GEN1: variants seen among roughly 807,000 people sequenced by gnomAD.
GEN1 encodes GEN1 structure-specific endonuclease, also known as flap endonuclease GEN homolog 1.
Under a neutral mutation model 67.6 loss-of-function variants are expected in GEN1, and 64 were observed. The ratio of observed to expected loss-of-function variants is 0.95; its 90% CI spans 0.77 to 1.17. GEN1 has a LOEUF of 1.17. Among genes scored for constraint, GEN1 ranks in the 50% most tolerant of loss-of-function variants. GEN1 has a pLI of 0.00. For synonymous variants in GEN1, 371 were observed against 359.4 expected (o/e 1.03, Z -0.37); for missense variants, 1,058 against 1,048.3 (o/e 1.01, Z -0.13).
At chr2:17,777,625 C>T (rs116221570) in intron 11 of GEN1, among the ~76,000 whole-genome samples, 3 of 152,090 alleles carry the variant, frequency 2.0e-5, no homozygotes, top group Non-Finnish European at 4.4e-5. Flanking sequence ...TAAAATTCAG[C>T]AATATTCAGC....
chr2:17,756,089 G>C (rs886510990), intron 1 of GEN1, among the ~76,000 whole-genome samples: 2 of 151,856 alleles, frequency 1.3e-5, no homozygotes, highest in Non-Finnish European at 2.9e-5. Flanking sequence ...TTAAATACTA[G>C]ATTACAGATA....
intron 6 of GEN1, among the ~76,000 whole-genome samples, chr2:17,770,415 A>G (rs1672126293): frequency 6.6e-6 from 1 of 152,180 alleles, no homozygotes; most frequent in Non-Finnish European, 1.5e-5. Context: ...CAGAAGCTAA[A>G]TAGTAACTCT....
intron 6 of GEN1, among the ~76,000 whole-genome samples, chr2:17,769,411 T>C (rs766156670): frequency 1.3e-5 from 2 of 152,074 alleles, no homozygotes; most frequent in Non-Finnish European, 2.9e-5. Context: ...TATTATTAGC[T>C]CACTAAACAC....
At chr2:17,759,524 A>G (rs141215178) in intron 1 of GEN1, among the ~76,000 whole-genome samples, 1 of 150,784 alleles carries the variant, frequency 6.6e-6, no homozygotes, top group Non-Finnish European at 1.5e-5. Flanking sequence ...TTCTTCCCTC[A>G]CTTTTCTAAG....
intron 2 of GEN1, 79 bp downstream of exon 2, chr2:17,760,183 T>C: frequency 7.3e-7 from 1 of 1,361,290 alleles, no homozygotes; most frequent in East Asian, 2.4e-5. Flanking sequence ...ACCTTTTTTT[T>C]TCTTTTGTTG....
rs1558409701 is a variant in GEN1, at chr2:17,778,364, GTATATACACACACATATA to G, written c.1264+303_1264+320del. Among the ~76,000 whole-genome samples, 145 of 36,434 alleles carry G rather than the reference GTATATACACACACATATA, an allele frequency of 4.0e-3. 52 individuals are homozygous for G. The highest frequency in any genetic ancestry group is 0.021 in the Admixed American group (58 of 2,808). 23.9% of individuals were successfully genotyped at this position (36,434 alleles called of 152,430 possible). On this transcript the variant is annotated intron_variant, in intron 12 of 13. Transcript: ENST00000381254. ...TACACACACATGTGTGTACATATAT[GTATATACACACACATATA>G]TGTGTGTACATATATGTATATACAC...
chr2:17,782,603 T>C lies in GEN1; in HGVS notation c.*664T>C, dbSNP rs1264022714. ...AAAAATCATGCTCGTAATGGCTGAA[T>C]AAACTGAGCAAAGTAACTCCTTATG... On this transcript the variant is annotated 3_prime_UTR_variant, in exon 14 of 14. Coordinates refer to ENST00000381254, the MANE Select transcript of GEN1 (RefSeq NM_001130009.3). The C allele has an allele frequency of 6.6e-6, 1 of 152,210 alleles. No homozygotes were observed. The highest frequency in any genetic ancestry group is 2.4e-5 in the African/African-American group (1 of 41,428). The allele number at this position is 152,210 out of a possible 1,614,324, so 9.4% of individuals were successfully genotyped here.
At chr2:17,755,458 T>C (rs1671382597) in intron 1 of GEN1, 1 of 152,232 alleles carries the variant, frequency 6.6e-6, no homozygotes, top group African/African-American at 2.4e-5. Context: ...AATAAGTATT[T>C]ATTGATAAAC....
chr2:17,760,246 T>A, intron 2 of GEN1, 142 bp downstream of exon 2: 1 of 757,544 alleles, frequency 1.3e-6, no homozygotes, highest in South Asian at 2.2e-5. Context: ...ATGTCTAGAT[T>A]CACCATCTTT....
rs1672898042 is a variant in GEN1 at position 17,782,618 on chromosome 2, A to C, written c.*679A>C. The stretch of plus-strand genomic sequence containing the variant: ...AATGGCTGAATAAACTGAGCAAAGT[A>C]ACTCCTTATGTATCCCCAGAAGTTC... On this transcript the variant is annotated 3_prime_UTR_variant, in exon 14 of 14. Transcript: ENST00000381254. 6.6e-6 allele frequency: 1 copy of C among 152,214 alleles called. No homozygotes were observed. Among genetic ancestry groups the C allele is most frequent in the African/African-American group, 2.4e-5 (1 of 41,448 alleles). The allele number at this position is 152,214 out of a possible 1,614,324, so 9.4% of individuals were successfully genotyped here.
In GEN1 at chr2:17,759,891, C is replaced by A; in HGVS notation, c.-15-38C>A. ...GAATTCCTGTTATGAGCTTCTGTTT[C>A]TTTAACAATATTTTGTAAAGTGTGT... On this transcript the variant is annotated intron_variant, in intron 1 of 13. Coordinates refer to ENST00000381254, the MANE Select transcript of GEN1 (RefSeq NM_001130009.3). 7 of 1,564,006 alleles carry A rather than the reference C, an allele frequency of 4.5e-6. No homozygotes were observed. In the South Asian group the frequency reaches 7.9e-5, roughly 18 times the overall value.
At chr2:17,769,258 T>G (rs879387237) in intron 6 of GEN1, among the ~76,000 whole-genome samples, 12 of 151,618 alleles carry the variant, frequency 7.9e-5, no homozygotes, top group African/African-American at 2.7e-4. Flanking sequence ...TTTTTTTTTT[T>G]GTAGAGATAG....
intron 11 of GEN1, among the ~76,000 whole-genome samples, chr2:17,776,190 A>T (rs1399690510): frequency 6.6e-6 from 1 of 152,078 alleles, no homozygotes; most frequent in Non-Finnish European, 1.5e-5. Context: ...AATCCAAGTG[A>T]AAAACGTTCT....
Position 17,778,321 on chromosome 2 carries a change from CACGTGTACAT to C in GEN1, c.1264+260_1264+269del, listed in dbSNP as rs1558409368. Among the ~76,000 whole-genome samples, 359 of 21,018 alleles carry C rather than the reference CACGTGTACAT, an allele frequency of 0.017. 71 individuals carry two copies. In the East Asian group the frequency reaches 0.5, roughly 29 times the overall value. The allele number at this position is 21,018 out of a possible 152,430, so 13.8% of individuals were successfully genotyped here. ...GTGTACATATATGTATATACACACA[CACGTGTACAT>C]ATATGTATACACACACATGTGTGTA... On this transcript the variant is annotated intron_variant, in intron 12 of 13. Transcript: ENST00000381254.
Position 17,764,937 on chromosome 2 carries a change from A to G in GEN1, c.389A>G (p.Gln130Arg). The G allele has an allele frequency of 6.2e-7, 1 of 1,614,140 alleles. No individual in the cohort carries two copies. The highest frequency in any genetic ancestry group is 8.5e-7 in the Non-Finnish European group (1 of 1,179,992). The change falls in exon 4 of 14, where the codon CAG becomes CGG. Residue 130 changes from glutamine to arginine, a missense_variant. Coordinates refer to ENST00000381254, the MANE Select transcript of GEN1 (RefSeq NM_001130009.3). Reference protein sequence around the residue: ...MLECLGIPWVQAAGEAEAMCA... With the variant: ...MLECLGIPWVRAAGEAEAMCA... The stretch of plus-strand genomic sequence containing the variant: ...GAATGCTTAGGAATCCCCTGGGTTC[A>G]GGCTGCTGGGGAAGCTGAAGCCATG...
At chr2:17,780,150 G>A in intron 13 of GEN1, 29 bp downstream of exon 13, 1 of 1,581,616 alleles carries the variant, frequency 6.3e-7, no homozygotes, top group Non-Finnish European at 8.6e-7. Flanking sequence ...AGCTATTTAT[G>A]CCACATGCAA....
In GEN1 at chr2:17,772,537, T is replaced by C; in HGVS notation, c.803-97T>C. On this transcript the variant is annotated intron_variant, in intron 7 of 13. Transcript: ENST00000381254. The stretch of plus-strand genomic sequence containing the variant: ...ATGCTAGGTAGTGTGCTAGGCAATA[T>C]TAATTTTGGAAAATTTAGATACTGG... The C allele has an allele frequency of 4.7e-6, 5 of 1,059,672 alleles. No individual in the cohort carries two copies. In the South Asian group the frequency reaches 8.4e-5, roughly 18 times the overall value. 65.6% of individuals were successfully genotyped at this position (1,059,672 alleles called of 1,614,324 possible). A position where few individuals can be genotyped will look rare whatever the true frequency, so the allele number is the denominator to read the frequency against.
rs757717475 is a variant in GEN1, at chr2:17,765,026, C to T, written c.478C>T (p.Leu160Phe). The change falls in exon 4 of 14, where the codon CTT (leucine) becomes TTT (phenylalanine). Residue 160 changes from leucine to phenylalanine, a missense_variant. Physicochemically the swap from Leu to Phe is conservative, Grantham distance 22. Coordinates refer to ENST00000381254, the MANE Select transcript of GEN1 (RefSeq NM_001130009.3). ...CCTCACCAATGATGGAGATACTTTC[C>T]TTTATGGGGCCCAGACTGTTTACAG... ...GCLTNDGDTF[L>F]YGAQTVYRNF... is the part of the protein sequence containing the mutation. The T allele has an allele frequency of 1.9e-6, 3 of 1,614,010 alleles. No homozygotes were observed. Among genetic ancestry groups the T allele is most frequent in the African/African-American group, 2.7e-5 (2 of 74,902 alleles).
chr2:17,778,207 T>TGTAC (rs1491371004), intron 12 of GEN1, 144 bp downstream of exon 12: 28 of 365,568 alleles, frequency 7.7e-5, no homozygotes, highest in African/African-American at 4.5e-4. Flanking sequence ...CATATATGTG[T>TGTAC]ATATATATGT....
Sources: allele counts gnomAD v4.1 joint callset (sites outside exome capture counted in the v4.1 genomes callset), GRCh38; gene constraint gnomAD v4.1.1; transcripts MANE v1.5; gene names NCBI Gene and HGNC (gene_info 2026-07-23, HGNC 2026-07-21).